Variants in VPS13D observed in about 807,000 individuals in gnomAD.
VPS13D encodes the protein intermembrane lipid transfer protein VPS13D.
Under a neutral mutation model 461.9 loss-of-function variants are expected in VPS13D, and 187 were observed. The observed-to-expected ratio is 0.40, with a 90% CI of 0.36 to 0.46. The LOEUF (loss-of-function observed/expected upper bound fraction) is 0.46, where lower values mean the gene tolerates loss of function less well. Ranked by LOEUF, VPS13D falls within the 20% of genes least tolerant of loss-of-function variation. The pLI is 0.60. For synonymous variants in VPS13D, 1,951 were observed against 1,986.3 expected (o/e 0.98, Z 0.47); for missense variants, 4,711 against 5,364.9 (o/e 0.88, Z 3.81).
chr1:12,232,506 A>G (rs1390335154), intron 1 of VPS13D, among the ~76,000 whole-genome samples: 1 of 152,180 alleles, frequency 6.6e-6, no homozygotes, highest in Non-Finnish European at 1.5e-5. Flanking sequence ...GATGACTGAC[A>G]TGGTGGATCA....
chr1:12,383,129 C>T lies in VPS13D; in HGVS notation c.11344C>T (p.Pro3782Ser). 6.2e-7 allele frequency: 1 copy of T among 1,613,766 alleles called. No individual in the cohort carries two copies. The highest frequency in any genetic ancestry group is 8.5e-7 in the Non-Finnish European group (1 of 1,179,858). ...TGGAATGTTATCCATCAGAGTCATC[C>T]CAGATGGACCAACTAGAGCACTCCA... The part of the protein sequence containing the change: ...GSGMLSIRVI[P>S]DGPTRALQIT... The change falls in exon 58 of 70, where the codon CCA becomes TCA. Residue 3782 changes from proline (P) to serine (S), a missense_variant. Transcript: ENST00000620676.
intron 43 of VPS13D, among the ~76,000 whole-genome samples, chr1:12,346,222 T>A (rs968440900): frequency 6.6e-5 from 10 of 152,350 alleles, no homozygotes; most frequent in African/African-American, 2.2e-4. Context: ...AAAACACTGT[T>A]GCACAACTGT....
At chr1:12,264,768 A>G (rs1641215306) in intron 13 of VPS13D, among the ~76,000 whole-genome samples, 1 of 152,262 alleles carries the variant, frequency 6.6e-6, no homozygotes. Flanking sequence ...CAAGTTATCC[A>G]GAAGATCCAG....
chr1:12,364,170 T>C (rs954164901), intron 52 of VPS13D, among the ~76,000 whole-genome samples: 2 of 152,126 alleles, frequency 1.3e-5, no homozygotes, highest in Non-Finnish European at 2.9e-5. Context: ...CCCCAAACTC[T>C]TTTCATCTTG....
chr1:12,232,637 C>CTTTTTT (rs772757546), intron 1 of VPS13D, among the ~76,000 whole-genome samples: 14 of 71,006 alleles, frequency 2.0e-4, no homozygotes, highest in African/African-American at 4.4e-4. Flanking sequence ...TAAAATTAGT[C>CTTTTTT]TTTTTTTTTT....
At chr1:12,435,370 A>T (rs1048777471) in intron 65 of VPS13D, among the ~76,000 whole-genome samples, 1 of 151,832 alleles carries the variant, frequency 6.6e-6, no homozygotes, top group African/African-American at 2.4e-5. Context: ...CTGAGGTGGG[A>T]GGATCATCCG....
At chr1:12,284,599 C>G (rs571631002) in intron 21 of VPS13D, among the ~76,000 whole-genome samples, 2 of 152,346 alleles carry the variant, frequency 1.3e-5, no homozygotes, top group African/African-American at 4.8e-5. Context: ...GTCACTAGCA[C>G]TCGTCCAGAG....
At chr1:12,342,225 T>C (rs1369709370) in intron 41 of VPS13D, among the ~76,000 whole-genome samples, 1 of 152,234 alleles carries the variant, frequency 6.6e-6, no homozygotes, top group Non-Finnish European at 1.5e-5. Flanking sequence ...TGTGTGGTTA[T>C]CACACCAAAT....
intron 32 of VPS13D, 116 bp downstream of exon 32, chr1:12,319,746 A>G (rs564462004): frequency 1.4e-6 from 2 of 1,448,848 alleles, no homozygotes; most frequent in African/African-American, 2.8e-5. Flanking sequence ...AAATTGGAAG[A>G]CCCTTGCCCT....
intron 61 of VPS13D, among the ~76,000 whole-genome samples, chr1:12,400,988 ACACACAC>A (rs1644571066): frequency 2.0e-5 from 3 of 151,908 alleles, no homozygotes; most frequent in Non-Finnish European, 2.9e-5. Context: ...ACACACACAC[ACACACAC>A]ACACACACAA....
rs764965012 is a variant in VPS13D, at chr1:12,257,928, A to G, written c.942-7A>G. On this transcript the variant is annotated splice_polypyrimidine_tract_variant and splice_region_variant and intron_variant, in intron 9 of 69. Transcript: ENST00000620676. ...AGAAGTGATTACATCGTTATGGACT[A>G]TTTCAGCTGCCGAGAATGGTGGTAT... is the stretch of plus-strand genomic sequence containing the variant. The G allele has an allele frequency of 4.3e-6, 7 of 1,614,028 alleles. No homozygotes were observed. In the Admixed American group the frequency reaches 8.3e-5, roughly 19 times the overall value.
intron 65 of VPS13D, among the ~76,000 whole-genome samples, chr1:12,442,280 G>C (rs1416430481): frequency 6.6e-6 from 1 of 152,096 alleles, no homozygotes; most frequent in East Asian, 1.9e-4. Context: ...TGTAAAAATT[G>C]ATTTATATTT....
chr1:12,403,224 A>G (rs1283837377), intron 62 of VPS13D, among the ~76,000 whole-genome samples: 1 of 152,258 alleles, frequency 6.6e-6, no homozygotes. Flanking sequence ...GTTGTAGCCC[A>G]TGCTACTCCT....
In VPS13D at chr1:12,511,497, G is replaced by A. The variant is rs1383806063; in HGVS notation, c.*2473G>A. 2.0e-5 allele frequency: 3 copies of A among 152,214 alleles called. No homozygotes were observed. The highest frequency in any genetic ancestry group is 2.0e-4 in the Admixed American group (3 of 15,280). 9.4% of individuals were successfully genotyped at this position (152,214 alleles called of 1,614,324 possible). On this transcript the variant is annotated 3_prime_UTR_variant, in exon 70 of 70. Transcript: ENST00000620676. The surrounding 1 kb of genome is among the most constrained non-coding windows in gnomAD (Gnocchi z 4.5). ...TAAATGCCCCGTCTCTTTGTAAACT[G>A]ATATTCAGCCAGCAATGCCTAAGAC... is the stretch of plus-strand genomic sequence containing the variant.
chr1:12,474,634 C>T (rs900887634), intron 67 of VPS13D, among the ~76,000 whole-genome samples: 4 of 152,192 alleles, frequency 2.6e-5, no homozygotes, highest in Admixed American at 1.3e-4. Flanking sequence ...AATACAAGAT[C>T]GATAACTGTG....
At chr1:12,498,816 A>T (rs1645995591) in intron 68 of VPS13D, among the ~76,000 whole-genome samples, 1 of 151,762 alleles carries the variant, frequency 6.6e-6, no homozygotes, top group African/African-American at 2.4e-5. Context: ...AGAGAGGGGG[A>T]GCTCTCTGGT....
intron 63 of VPS13D, among the ~76,000 whole-genome samples, chr1:12,410,565 A>G (rs887927155): frequency 2.0e-5 from 3 of 152,248 alleles, no homozygotes; most frequent in Non-Finnish European, 4.4e-5. Context: ...AAACAGAACC[A>G]TAGATAAACT....
At chr1:12,383,285 T>A (rs1299476760) in intron 58 of VPS13D, 130 bp downstream of exon 58, 1 of 979,370 alleles carries the variant, frequency 1.0e-6, no homozygotes, top group Non-Finnish European at 1.4e-6. Context: ...ATCTGTAAAA[T>A]GGGGATAGGA....
In VPS13D at chr1:12,505,539, G is replaced by A. The variant is rs991408900; in HGVS notation, c.12795-1314G>A. Among the ~76,000 whole-genome samples, 12 of 152,308 alleles carry A rather than the reference G, an allele frequency of 7.9e-5. No homozygotes were observed. Among genetic ancestry groups the A allele is most frequent in the Middle Eastern group, 3.4e-3 (1 of 294 alleles). On this transcript the variant is annotated intron_variant, in intron 68 of 69. Coordinates refer to ENST00000620676, the MANE Select transcript of VPS13D (RefSeq NM_015378.4). The surrounding 1 kb of genome is among the most constrained non-coding windows in gnomAD (Gnocchi z 4.2). ...GGAACAAGGCAGTCACTTACTGAGC[G>A]CTGATGGGGTGGCCAACTCTGTGGG... is the stretch of plus-strand genomic sequence containing the variant.
Sources: allele counts gnomAD v4.1 joint callset (sites outside exome capture counted in the v4.1 genomes callset), GRCh38; gene constraint gnomAD v4.1.1; non-coding constraint Gnocchi (gnomAD v3.1); transcripts MANE v1.5; gene names NCBI Gene and HGNC (gene_info 2026-07-23, HGNC 2026-07-21).